Variants in PLCXD3 observed in about 807,000 individuals in gnomAD.
PLCXD3 encodes PI-PLC X domain-containing protein 3.
PLCXD3 carries 19 observed loss-of-function variants against 25.5 expected under a neutral mutation model. The ratio of observed to expected loss-of-function variants is 0.75; its 90% CI spans 0.52 to 1.09. PLCXD3 has a LOEUF of 1.09. PLCXD3 is among the 50% of genes least tolerant of loss of function. The probability of loss-of-function intolerance (pLI) is 0.00; values close to 1 mark genes in which losing one functional copy is unlikely to be tolerated. For missense variants in PLCXD3, 411 were observed against 388.1 expected (o/e 1.06, Z -0.50); for synonymous variants, 174 against 137.6 (o/e 1.26, Z -1.85).
intron 1 of PLCXD3, among the ~76,000 whole-genome samples, chr5:41,413,888 G>A (rs927804201): frequency 3.3e-5 from 5 of 152,158 alleles, no homozygotes; most frequent in African/African-American, 4.8e-5. Context: ...ATGCACCGCT[G>A]AGCTGGTAAG....
chr5:41,496,894 A>C (rs1748852713), intron 1 of PLCXD3, among the ~76,000 whole-genome samples: 1 of 151,868 alleles, frequency 6.6e-6, no homozygotes, highest in South Asian at 2.1e-4. Context: ...AAAATATATT[A>C]AAGGATAGAA....
intron 2 of PLCXD3, among the ~76,000 whole-genome samples, chr5:41,328,877 G>A (rs1743708823): frequency 6.6e-6 from 1 of 152,194 alleles, no homozygotes; most frequent in East Asian, 1.9e-4. Flanking sequence ...AACCTGCAAT[G>A]TGCTGACCTT....
chr5:41,311,193 G>A lies in PLCXD3; in HGVS notation c.*2424C>T, dbSNP rs529739862. ...GAATAGCCAGTTAGAGAGAAAGTCTGCCCAAAAACCAAATTTACGGGACAT... is the reference window on the plus strand; with the variant it reads ...GAATAGCCAGTTAGAGAGAAAGTCTACCCAAAAACCAAATTTACGGGACAT... On this transcript the variant is annotated 3_prime_UTR_variant, in exon 3 of 3. Transcript: ENST00000377801. The A allele has an allele frequency of 3.3e-5, 5 of 152,140 alleles. No homozygotes were observed. Among genetic ancestry groups the A allele is most frequent in the African/African-American group, 9.6e-5 (4 of 41,512 alleles). The allele number at this position is 152,140 out of a possible 1,614,324, so 9.4% of individuals were successfully genotyped here. A position where few individuals can be genotyped will look rare whatever the true frequency, so the allele number is the denominator to read the frequency against.
At chr5:41,466,073 A>T (rs928424105) in intron 1 of PLCXD3, among the ~76,000 whole-genome samples, 8 of 152,198 alleles carry the variant, frequency 5.3e-5, no homozygotes, top group Non-Finnish European at 1.2e-4. Context: ...GGAAAAAAGT[A>T]TTGCTTTCTT....
chr5:41,491,567 C>A (rs1413289528), intron 1 of PLCXD3, among the ~76,000 whole-genome samples: 1 of 152,104 alleles, frequency 6.6e-6, no homozygotes, highest in East Asian at 1.9e-4. Context: ...GTGTGGGAGT[C>A]TAAGTCTCTT....
At chr5:41,442,757 C>T (rs73079735) in intron 1 of PLCXD3, among the ~76,000 whole-genome samples, 1,653 of 152,234 alleles carry the variant, frequency 0.011, 27 homozygotes, top group African/African-American at 0.038. Context: ...GTCTCATTAG[C>T]TAGCCCTTAA....
intron 1 of PLCXD3, among the ~76,000 whole-genome samples, chr5:41,447,650 G>T (rs1747535217): frequency 6.6e-6 from 1 of 152,312 alleles, no homozygotes; most frequent in Non-Finnish European, 1.5e-5. Flanking sequence ...GCATTTAATT[G>T]CCAAGATTGG....
At chr5:41,444,532 A>G (rs982839088) in intron 1 of PLCXD3, among the ~76,000 whole-genome samples, 2 of 152,150 alleles carry the variant, frequency 1.3e-5, no homozygotes, top group Non-Finnish European at 2.9e-5. Context: ...TATAATCCCA[A>G]TTCTTATTTT....
In PLCXD3 at chr5:41,388,844, G is replaced by A. The variant is rs566557164; in HGVS notation, c.104-6310C>T. On this transcript the variant is annotated intron_variant, in intron 1 of 2. Transcript: ENST00000377801. ...CTATTAACTATGAACTTCACCCTATGTATGTACCATGTTTTGTAATACCAG... is the reference window on the plus strand; with the variant it reads ...CTATTAACTATGAACTTCACCCTATATATGTACCATGTTTTGTAATACCAG... 5.3e-5 allele frequency among the ~76,000 whole-genome samples: 8 copies of A among 151,758 alleles called. No homozygotes were observed. In the South Asian group the frequency reaches 1.7e-3, roughly 31 times the overall value.
chr5:41,372,583 A>T (rs1004553632), intron 2 of PLCXD3, among the ~76,000 whole-genome samples: 2 of 152,106 alleles, frequency 1.3e-5, no homozygotes, highest in African/African-American at 4.8e-5. Flanking sequence ...TCCTCTTGCC[A>T]TACCCCGGAG....
chr5:41,488,871 T>G (rs1362780186), intron 1 of PLCXD3, among the ~76,000 whole-genome samples: 1 of 150,586 alleles, frequency 6.6e-6, no homozygotes, highest in Non-Finnish European at 1.5e-5. Context: ...TTCTCCCATT[T>G]TGTAGGTTGC....
rs1744337083 is a variant in PLCXD3 at position 41,347,615 on chromosome 5, GT to G, written c.813-33846del. On this transcript the variant is annotated intron_variant, in intron 2 of 2. Coordinates refer to ENST00000377801, the MANE Select transcript of PLCXD3 (RefSeq NM_001005473.3). The stretch of plus-strand genomic sequence containing the variant: ...TGTAGATACTAGTTACCAACCTATA[GT>G]TGTTTTTTATTATGGCAGCTATTAA... Among the ~76,000 whole-genome samples, 4 of 152,308 alleles carry G rather than the reference GT, an allele frequency of 2.6e-5. No individual in the cohort carries two copies. In the South Asian group the frequency reaches 8.3e-4, roughly 32 times the overall value.
At chr5:41,491,895 C>T (rs557084287) in intron 1 of PLCXD3, among the ~76,000 whole-genome samples, 1 of 152,202 alleles carries the variant, frequency 6.6e-6, no homozygotes, top group African/African-American at 2.4e-5. Context: ...TCGCATTTGC[C>T]AGTCTGTGTC....
Position 41,311,345 on chromosome 5 carries a change from T to C in PLCXD3, c.*2272A>G, listed in dbSNP as rs1211276524. On this transcript the variant is annotated 3_prime_UTR_variant, in exon 3 of 3. Transcript: ENST00000377801. ...AAATGGAAAGAAGAGAAGAAATATA[T>C]TTTAAAAATAATTAAGTCCTACACT... The C allele has an allele frequency of 6.6e-6, 1 of 152,104 alleles. No homozygotes were observed. Among genetic ancestry groups the C allele is most frequent in the Non-Finnish European group, 1.5e-5 (1 of 67,988 alleles). The allele number at this position is 152,104 out of a possible 1,614,324, so 9.4% of individuals were successfully genotyped here. A position where few individuals can be genotyped will look rare whatever the true frequency, so the allele number is the denominator to read the frequency against.
In PLCXD3 at chr5:41,359,902, T is replaced by C. The variant is rs1450228597; in HGVS notation, c.812+21924A>G. On this transcript the variant is annotated intron_variant, in intron 2 of 2. Coordinates refer to ENST00000377801, the MANE Select transcript of PLCXD3 (RefSeq NM_001005473.3). ...AGATCTCTAGCAAAACTGGGAAAGT[T>C]TTCCTCAATTATTTCCTCAAATATG... 2.6e-5 allele frequency among the ~76,000 whole-genome samples: 4 copies of C among 152,186 alleles called. No homozygotes were observed. In the South Asian group the frequency reaches 8.3e-4, roughly 32 times the overall value.
At chr5:41,330,783 G>A (rs944608324) in intron 2 of PLCXD3, among the ~76,000 whole-genome samples, 3 of 152,056 alleles carry the variant, frequency 2.0e-5, no homozygotes, top group African/African-American at 7.2e-5. Flanking sequence ...ATGCAAGGCT[G>A]GTTCAATATA....
intron 1 of PLCXD3, among the ~76,000 whole-genome samples, chr5:41,503,756 A>G (rs73081527): frequency 1.3e-5 from 2 of 152,276 alleles, no homozygotes; most frequent in South Asian, 2.1e-4. Context: ...TGAACCCTAT[A>G]CAAACCAGAA....
In PLCXD3 at chr5:41,382,645, C is replaced by T. The variant is rs568329731; in HGVS notation, c.104-111G>A. On this transcript the variant is annotated intron_variant, in intron 1 of 2. Coordinates refer to ENST00000377801, the MANE Select transcript of PLCXD3 (RefSeq NM_001005473.3). Reference sequence around the variant, plus strand: ...TCCCTCAAATGAGCCACAGAAAATACTAAGAAATGTAATACTAGTTATTTT... The same window carrying T: ...TCCCTCAAATGAGCCACAGAAAATATTAAGAAATGTAATACTAGTTATTTT... 3.6e-6 allele frequency: 3 copies of T among 823,196 alleles called. No homozygotes were observed. The African/African-American group carries it at 5.2e-5, about 14-fold the overall frequency. 51.0% of individuals were successfully genotyped at this position (823,196 alleles called of 1,614,324 possible). A position where few individuals can be genotyped will look rare whatever the true frequency, so the allele number is the denominator to read the frequency against.
intron 1 of PLCXD3, among the ~76,000 whole-genome samples, chr5:41,505,003 A>G (rs910625879): frequency 2.6e-5 from 4 of 152,176 alleles, no homozygotes; most frequent in Non-Finnish European, 4.4e-5. Context: ...TCCCTCATAA[A>G]TATTCCCTAT....
Sources: allele counts gnomAD v4.1 joint callset (sites outside exome capture counted in the v4.1 genomes callset), GRCh38; gene constraint gnomAD v4.1.1; transcripts MANE v1.5; gene names NCBI Gene and HGNC (gene_info 2026-07-23, HGNC 2026-07-21).